The following USP24 variants were observed in gnomAD, a reference collection of about 807,000 sequenced individuals.
The protein encoded by USP24 is ubiquitin carboxyl-terminal hydrolase 24.
A neutral mutation model predicts 361.6 loss-of-function variants in USP24; 97 were observed. The observed-to-expected ratio is 0.27, with a 90% CI of 0.23 to 0.32. The LOEUF is 0.32. Ranked by LOEUF, USP24 falls within the 10% of genes least tolerant of loss-of-function variation. The pLI, the probability that USP24 is intolerant of heterozygous loss-of-function variation, is 1.00. For synonymous variants in USP24, 1,098 were observed against 1,124.6 expected (o/e 0.98, Z 0.47); for missense variants, 2,353 against 3,165.6 (o/e 0.74, Z 6.16).
At chr1:55,098,682 T>C in intron 45 of USP24, 124 bp from the exon 46 acceptor site, 1 of 709,984 alleles carries the variant, frequency 1.4e-6, no homozygotes, top group Non-Finnish European at 2.5e-6. Context: ...GTATCAGCTG[T>C]GGTGAATGGA....
intron 38 of USP24, among the ~76,000 whole-genome samples, chr1:55,117,852 A>G (rs1029876135): frequency 2.0e-5 from 3 of 152,134 alleles, no homozygotes; most frequent in African/African-American, 7.2e-5. Flanking sequence ...TTACACTAAC[A>G]ATGATCAAAC....
chr1:55,212,296 C>A (rs1301071187), intron 1 of USP24, among the ~76,000 whole-genome samples: 1 of 152,174 alleles, frequency 6.6e-6, no homozygotes, highest in African/African-American at 2.4e-5. Context: ...ATGTCTTTCC[C>A]TCATTATTTC....
intron 54 of USP24, among the ~76,000 whole-genome samples, chr1:55,091,158 T>C (rs999241794): frequency 2.0e-5 from 3 of 151,608 alleles, no homozygotes; most frequent in Admixed American, 6.6e-5. Context: ...AAGGCAGAGG[T>C]CCCCAAGCCC....
chr1:55,099,751 G>C lies in USP24; in HGVS notation c.5370+20C>G. 9 of 1,519,674 alleles carry C rather than the reference G, an allele frequency of 5.9e-6. No individual in the cohort carries two copies. Among genetic ancestry groups the C allele is most frequent in the Non-Finnish European group, 8.0e-6 (9 of 1,119,486 alleles). The allele number at this position is 1,519,674 out of a possible 1,614,324, so 94.1% of individuals were successfully genotyped here. The stretch of plus-strand genomic sequence containing the variant: ...AATTAGAGTTTGAGGGAGTTAGAGG[G>C]AAAGTACAACTTTTACTACCTTGAG... On this transcript the variant is annotated intron_variant, in intron 45 of 67. Transcript: ENST00000294383.
At chr1:55,194,358 G>C (rs1486464492) in intron 1 of USP24, among the ~76,000 whole-genome samples, 1 of 152,182 alleles carries the variant, frequency 6.6e-6, no homozygotes, top group Non-Finnish European at 1.5e-5. Flanking sequence ...ATGAGAAAGA[G>C]AGCATGGTGC....
chr1:55,158,500 T>C (rs2100755704), intron 10 of USP24, among the ~76,000 whole-genome samples: 1 of 152,334 alleles, frequency 6.6e-6, no homozygotes, highest in East Asian at 1.9e-4. Flanking sequence ...TGACCAACAC[T>C]GCTGCAGTCA....
intron 1 of USP24, among the ~76,000 whole-genome samples, chr1:55,188,554 T>C (rs1644196901): frequency 6.6e-6 from 1 of 151,422 alleles, no homozygotes; most frequent in Non-Finnish European, 1.5e-5. Flanking sequence ...TAAATGTTTC[T>C]CCAAAAAAGA....
chr1:55,090,355 A>G (rs1645347108), intron 54 of USP24, among the ~76,000 whole-genome samples: 1 of 152,228 alleles, frequency 6.6e-6, no homozygotes, highest in Non-Finnish European at 1.5e-5. Flanking sequence ...TTCACAAACA[A>G]AAGTGACCAA....
At chr1:55,155,264 C>T (rs1647518621) in intron 12 of USP24, among the ~76,000 whole-genome samples, 1 of 152,188 alleles carries the variant, frequency 6.6e-6, no homozygotes, top group Non-Finnish European at 1.5e-5. Flanking sequence ...TAAGTCTTTG[C>T]TGCAGAGCTA....
intron 40 of USP24, among the ~76,000 whole-genome samples, chr1:55,106,813 C>A (rs924964315): frequency 1.3e-5 from 2 of 152,102 alleles, no homozygotes; most frequent in Non-Finnish European, 2.9e-5. Context: ...TAATCTTTTA[C>A]AAATTACATG....
At chr1:55,160,551 T>C (rs1382868628) in intron 8 of USP24, among the ~76,000 whole-genome samples, 1 of 152,186 alleles carries the variant, frequency 6.6e-6, no homozygotes, top group East Asian at 1.9e-4. Flanking sequence ...TAGCAAGTAG[T>C]AGAGACAACT....
At chr1:55,142,862 A>G in intron 22 of USP24, 67 bp from the exon 23 acceptor site, 1 of 1,427,498 alleles carries the variant, frequency 7.0e-7, no homozygotes, top group Non-Finnish European at 9.5e-7. Flanking sequence ...TCAGGACAAA[A>G]TATCAAAATA....
chr1:55,158,486 G>A (rs1647924043), intron 10 of USP24, among the ~76,000 whole-genome samples: 2 of 152,142 alleles, frequency 1.3e-5, no homozygotes, highest in African/African-American at 4.8e-5. Context: ...CCATCATTTT[G>A]CTTTGACCAA....
chr1:55,151,251 C>T (rs1360601400), intron 16 of USP24, among the ~76,000 whole-genome samples: 3 of 152,198 alleles, frequency 2.0e-5, no homozygotes, highest in African/African-American at 7.2e-5. Context: ...CCTCATCTGT[C>T]TTGTTTTTCC....
rs1186093828 is a variant in USP24, at chr1:55,090,323, T to C, written c.6555-583A>G. Among the ~76,000 whole-genome samples, 3 of 152,278 alleles carry C rather than the reference T, an allele frequency of 2.0e-5. No individual in the cohort carries two copies. The East Asian group carries it at 5.8e-4, about 29-fold the overall frequency. ...TAAACAAAATGGAAATAGTGGGCCA[T>C]GTGTAAAGAGCATGAGCAAATTTCA... On this transcript the variant is annotated intron_variant, in intron 54 of 67. Coordinates refer to ENST00000294383, the MANE Select transcript of USP24 (RefSeq NM_015306.3).
rs964476601 is a variant in USP24, at chr1:55,092,051, T to A, written c.6526A>T (p.Thr2176Ser). 1 of 1,611,784 alleles carries A rather than the reference T, an allele frequency of 6.2e-7. No homozygotes were observed. The change falls in exon 54 of 68, where the codon ACT (threonine) becomes TCT (serine). Residue 2176 changes from threonine to serine, a missense_variant. Transcript: ENST00000294383. ...LQLAIQFLFQ[T>S]YLRTKKKLRV... Reference sequence around the variant, plus strand: ...AGTTTCTTCTTTGTCCGTAGATAAGTTTGAAAAAGGAATTGAATAGCAAGC... The same window carrying A: ...AGTTTCTTCTTTGTCCGTAGATAAGATTGAAAAAGGAATTGAATAGCAAGC...
At position 55,112,376 on chromosome 1, in the gene USP24, T is replaced by C. The variant is rs140741729; in HGVS notation, c.4509-2130A>G. Among the ~76,000 whole-genome samples the C allele has an allele frequency of 3.4e-3, 511 of 152,260 alleles. 3 individuals carry two copies. The highest frequency in any genetic ancestry group is 0.012 in the African/African-American group (498 of 41,550). On this transcript the variant is annotated intron_variant, in intron 38 of 67. Transcript: ENST00000294383. ...TTTAATTGTGATGTTAGGGTGTCAATTGTAGATCTTTCCTGCTTTCTCCTG... is the reference window on the plus strand; with the variant it reads ...TTTAATTGTGATGTTAGGGTGTCAACTGTAGATCTTTCCTGCTTTCTCCTG...
In USP24 at chr1:55,081,373, T is replaced by C; in HGVS notation, c.7027A>G (p.Thr2343Ala). 1.2e-6 allele frequency: 2 copies of C among 1,613,784 alleles called. No homozygotes were observed. Among genetic ancestry groups the C allele is most frequent in the Non-Finnish European group, 1.7e-6 (2 of 1,179,718 alleles). ...QAREFGNLHN[T>A]VALLVLHSDV... Reference sequence around the variant, plus strand: ...GAATGCAAAACAAGTAACGCCACTGTATTGTGAAGATTCCCAAATTCTCGT... The same window carrying C: ...GAATGCAAAACAAGTAACGCCACTGCATTGTGAAGATTCCCAAATTCTCGT... The change falls in exon 59 of 68, where the codon ACA (threonine) becomes GCA (alanine). Residue 2343 changes from threonine to alanine, a missense_variant. Physicochemically the swap from Thr to Ala is moderately conservative, Grantham distance 58. Around this residue, in one of 8 missense-constraint regions of USP24, gnomAD observed 598 missense variants for 761.9 expected, o/e 0.78. Transcript: ENST00000294383.
chr1:55,139,591 T>C (rs1010943846), intron 24 of USP24, among the ~76,000 whole-genome samples: 2 of 152,162 alleles, frequency 1.3e-5, no homozygotes, highest in African/African-American at 2.4e-5. Context: ...AGCCCCATAC[T>C]TTACTAAAAA....
Sources: gnomAD v4.1 joint callset for allele counts (sites outside exome capture counted in the v4.1 genomes callset) on GRCh38, gnomAD v4.1.1 for gene constraint, gnomAD v4.1.1 regional missense constraint, MANE v1.5 for transcripts, NCBI Gene and HGNC (gene_info 2026-07-23, HGNC 2026-07-21) for gene names.